KCNN2: variants seen among roughly 807,000 people sequenced by gnomAD.
The protein encoded by KCNN2 is potassium calcium-activated channel subfamily N member 2, also known as small conductance calcium-activated potassium channel protein 2.
KCNN2 carries 24 observed loss-of-function variants against 55.5 expected under a neutral mutation model. The observed-to-expected ratio is 0.43, with a 90% CI of 0.31 to 0.61. The LOEUF (loss-of-function observed/expected upper bound fraction) is 0.61, where lower values mean the gene tolerates loss of function less well. Among genes scored for constraint, KCNN2 ranks in the 20% least tolerant of loss-of-function variants. The pLI, the probability that KCNN2 is intolerant of heterozygous loss-of-function variation, is 0.08. For synonymous variants in KCNN2, 431 were observed against 336.1 expected, an observed-to-expected ratio of 1.28 and a Z score of -3.09; for missense variants, 754 against 853.6, an observed-to-expected ratio of 0.88 and a Z score of 1.45.
At chr5:114,174,879 A>G (rs1047137152) in intron 1 of KCNN2, among the ~76,000 whole-genome samples, 1 of 152,198 alleles carries the variant, frequency 6.6e-6, no homozygotes, top group African/African-American at 2.4e-5. Flanking sequence ...ATAGGAAATT[A>G]TCATTTGAGC....
chr5:114,268,415 G>C (rs1755254130), intron 2 of KCNN2, among the ~76,000 whole-genome samples: 1 of 152,194 alleles, frequency 6.6e-6, no homozygotes, highest in Non-Finnish European at 1.5e-5. Context: ...AAGCTGCAAA[G>C]CTAATTATAA....
At chr5:114,206,275 A>C (rs540754316) in intron 1 of KCNN2, among the ~76,000 whole-genome samples, 4 of 152,202 alleles carry the variant, frequency 2.6e-5, no homozygotes, top group African/African-American at 9.6e-5. Context: ...TAAGTCCTAC[A>C]TAGTATCTAG....
intron 2 of KCNN2, among the ~76,000 whole-genome samples, chr5:114,369,337 A>G (rs180892342): frequency 6.2e-4 from 95 of 152,334 alleles, no homozygotes; most frequent in Non-Finnish European, 1.1e-3. Flanking sequence ...TGCGTTATCT[A>G]ATCTGCCAGC....
intron 2 of KCNN2, among the ~76,000 whole-genome samples, chr5:114,368,490 G>A (rs1338274159): frequency 1.3e-5 from 2 of 152,076 alleles, no homozygotes; most frequent in African/African-American, 4.8e-5. Context: ...GTTGGGGAGG[G>A]GTGGTCCCTG....
Position 114,239,993 on chromosome 5 carries a change from A to G in KCNN2, c.-185+18428A>G, listed in dbSNP as rs567516840. Among the ~76,000 whole-genome samples, 720 of 152,320 alleles carry G rather than the reference A, an allele frequency of 4.7e-3. 7 individuals carry two copies. The highest frequency in any genetic ancestry group is 0.017 in the African/African-American group (691 of 41,584). Reference sequence around the variant, plus strand: ...GTATATTATTGAAATAATCCAAGGAATAGAAAAAATTGAGACCTTCCCAGT... The same window carrying G: ...GTATATTATTGAAATAATCCAAGGAGTAGAAAAAATTGAGACCTTCCCAGT... On this transcript the variant is annotated intron_variant, in intron 2 of 10. Transcript: ENST00000512097.
chr5:114,388,514 T>A (rs1580779796), intron 2 of KCNN2, among the ~76,000 whole-genome samples: 1 of 152,208 alleles, frequency 6.6e-6, no homozygotes, highest in African/African-American at 2.4e-5. Context: ...CTTTTTTGAC[T>A]TTCTCCAAAT....
chr5:114,182,026 TA>T (rs1056219392), intron 1 of KCNN2, among the ~76,000 whole-genome samples: 2 of 151,502 alleles, frequency 1.3e-5, no homozygotes, highest in African/African-American at 4.9e-5. Flanking sequence ...AAAAAAAAAT[TA>T]ATTTTTGTGT....
At chr5:114,120,857 T>C (rs922072633) in intron 1 of KCNN2, among the ~76,000 whole-genome samples, 9 of 152,232 alleles carry the variant, frequency 5.9e-5, no homozygotes, top group African/African-American at 2.2e-4. Context: ...CTAGGAGATA[T>C]ATTTTATAAG....
At chr5:114,240,824 A>G (rs986825150) in intron 2 of KCNN2, among the ~76,000 whole-genome samples, 2 of 152,222 alleles carry the variant, frequency 1.3e-5, no homozygotes, top group African/African-American at 4.8e-5. Flanking sequence ...AGTTAACATA[A>G]TGAGGCAAAA....
chr5:114,292,310 T>C (rs998589199), intron 2 of KCNN2, among the ~76,000 whole-genome samples: 1 of 152,184 alleles, frequency 6.6e-6, no homozygotes. Flanking sequence ...TCTTCTAGGG[T>C]TTTTATGGGT....
intron 1 of KCNN2, among the ~76,000 whole-genome samples, chr5:114,058,010 A>T (rs1362029870): frequency 6.6e-6 from 1 of 152,198 alleles, no homozygotes; most frequent in African/African-American, 2.4e-5. Flanking sequence ...CCTAATTTCA[A>T]CATTTGAACA....
At chr5:114,066,849 G>A (rs1750462468) in intron 1 of KCNN2, among the ~76,000 whole-genome samples, 1 of 152,194 alleles carries the variant, frequency 6.6e-6, no homozygotes, top group African/African-American at 2.4e-5. Context: ...AAAGTGCTGG[G>A]ATTACAGGCG....
chr5:114,436,805 C>G (rs760275957), intron 3 of KCNN2, among the ~76,000 whole-genome samples: 9 of 152,192 alleles, frequency 5.9e-5, no homozygotes, highest in Admixed American at 4.6e-4. Context: ...TCCAATAGAA[C>G]TTTCTGCAGT....
intron 1 of KCNN2, among the ~76,000 whole-genome samples, chr5:114,065,846 GTTTTTTTTTTTTTTTTTTTTT>G (rs56127808): frequency 1.3e-4 from 6 of 45,196 alleles, no homozygotes; most frequent in South Asian, 2.8e-3. Flanking sequence ...TCCTATGCAG[GTTTTTTTTTTTTTTTTTTTTT>G]TTTTTTTTTT....
intron 2 of KCNN2, among the ~76,000 whole-genome samples, chr5:114,320,707 T>A (rs1054654321): frequency 3.3e-5 from 5 of 151,674 alleles, no homozygotes; most frequent in African/African-American, 1.2e-4. Flanking sequence ...TTTGGAGGGG[T>A]AGGGTGCATG....
chr5:114,173,669 A>G (rs1194681837), intron 1 of KCNN2, among the ~76,000 whole-genome samples: 3 of 151,554 alleles, frequency 2.0e-5, no homozygotes, highest in African/African-American at 7.3e-5. Context: ...AATTTTTTTC[A>G]TCAGCGTTTT....
intron 3 of KCNN2, among the ~76,000 whole-genome samples, chr5:114,429,958 C>T (rs1329560135): frequency 6.6e-6 from 1 of 150,958 alleles, no homozygotes; most frequent in Non-Finnish European, 1.5e-5. Flanking sequence ...TATTTTCTAC[C>T]TCGCCTATTC....
intron 3 of KCNN2, among the ~76,000 whole-genome samples, chr5:114,432,895 A>C (rs1398768674): frequency 3.3e-5 from 5 of 152,088 alleles, no homozygotes; most frequent in Admixed American, 3.3e-4. Context: ...TTGATTTCTC[A>C]CTGGGCCTTA....
At chr5:114,108,258 C>T (rs1035808445) in intron 1 of KCNN2, among the ~76,000 whole-genome samples, 1 of 151,760 alleles carries the variant, frequency 6.6e-6, no homozygotes, top group African/African-American at 2.4e-5. Flanking sequence ...TTTATCTTCA[C>T]TTTATTAGAT....
Sources: allele counts gnomAD v4.1 joint callset (sites outside exome capture counted in the v4.1 genomes callset), GRCh38; gene constraint gnomAD v4.1.1; transcripts MANE v1.5; gene names NCBI Gene and HGNC (gene_info 2026-07-23, HGNC 2026-07-21).